HHIP: variants seen among roughly 807,000 people sequenced by gnomAD.
HHIP encodes hedgehog-interacting protein.
HHIP carries 12 observed loss-of-function variants against 74.0 expected under a neutral mutation model. The observed-to-expected ratio is 0.16, with a 90% CI of 0.10 to 0.26. The LOEUF is 0.26. Ranked by LOEUF, HHIP falls within the 10% of genes least tolerant of loss-of-function variation. HHIP has a pLI of 1.00. For synonymous variants in HHIP, 309 were observed against 311.6 expected, an observed-to-expected ratio of 0.99 and a Z score of 0.09; for missense variants, 788 against 845.0, an observed-to-expected ratio of 0.93 and a Z score of 0.84.
chr4:144,659,581 A>G, intron 3 of HHIP, 56 bp from the exon 4 acceptor site: 1 of 1,171,122 alleles, frequency 8.5e-7, no homozygotes, highest in Non-Finnish European at 1.2e-6. Flanking sequence ...TGCCAAGTGC[A>G]TCCCTTATCT....
intron 6 of HHIP, 81 bp from the exon 7 acceptor site, chr4:144,708,087 T>G: frequency 6.9e-7 from 1 of 1,439,630 alleles, no homozygotes; most frequent in Non-Finnish European, 9.7e-7. Flanking sequence ...TTTTCATCAA[T>G]AGAGCAACCT....
chr4:144,651,923 A>C (rs1436299492), intron 1 of HHIP, among the ~76,000 whole-genome samples: 2 of 152,068 alleles, frequency 1.3e-5, no homozygotes, highest in Non-Finnish European at 1.5e-5. Context: ...GTGTTTATTC[A>C]TGCATATAAC....
intron 4 of HHIP, among the ~76,000 whole-genome samples, chr4:144,703,565 G>T (rs1166818664): frequency 6.6e-6 from 1 of 152,198 alleles, no homozygotes; most frequent in Non-Finnish European, 1.5e-5. Context: ...CTAAAGCTGG[G>T]TTATCGGATT....
In HHIP at chr4:144,738,880, C is replaced by T. The variant is rs939717109; in HGVS notation, c.*923C>T. 5 of 167,310 alleles carry T rather than the reference C, an allele frequency of 3.0e-5. No homozygotes were observed. Among genetic ancestry groups the T allele is most frequent in the African/African-American group, 9.6e-5 (4 of 41,716 alleles). 10.4% of individuals were successfully genotyped at this position (167,310 alleles called of 1,614,324 possible). ...CCTTGTGCCAACATGTAATCATTAA[C>T]GACGGATGAAAAAGCAAGAAAACAG... On this transcript the variant is annotated 3_prime_UTR_variant, in exon 13 of 13. Transcript: ENST00000296575.
At position 144,741,678 on chromosome 4, in the gene HHIP, A is replaced by G. The variant is rs2639579; in HGVS notation, c.*3721A>G. The G allele has an allele frequency of 0.97, 146,849 of 152,144 alleles. 71,084 individuals carry two copies. The highest frequency in any genetic ancestry group is 1 in the East Asian group (5,178 of 5,178). 9.4% of individuals were successfully genotyped at this position (152,144 alleles called of 1,614,324 possible). ...ATTACAGGCGTGAGCCACCATGCCC[A>G]GCTTCCATTTGCTTTTGATATTGTT... is the stretch of plus-strand genomic sequence containing the variant. On this transcript the variant is annotated 3_prime_UTR_variant, in exon 13 of 13. Coordinates refer to ENST00000296575, the MANE Select transcript of HHIP (RefSeq NM_022475.3).
intron 4 of HHIP, among the ~76,000 whole-genome samples, chr4:144,671,530 G>T (rs552806185): frequency 2.0e-5 from 3 of 152,180 alleles, no homozygotes; most frequent in South Asian, 4.2e-4. Context: ...ATCTCTAATG[G>T]GTCGCATTCC....
chr4:144,658,825 T>C lies in HHIP; in HGVS notation c.508T>C (p.Tyr170His), dbSNP rs1221846565. The C allele has an allele frequency of 6.2e-7, 1 of 1,613,738 alleles. No homozygotes were observed. Among genetic ancestry groups the C allele is most frequent in the Non-Finnish European group, 8.5e-7 (1 of 1,179,768 alleles). ...AACAACTGCGGATGAGTTTTGCTTT[T>C]ACTATGCAAGAAAAGATGGTGGGTT... is the stretch of plus-strand genomic sequence containing the variant. The part of the protein sequence containing the change: ...LQTTADEFCF[Y>H]YARKDGGLCF... Residue 170 changes from tyrosine to histidine, a missense_variant, in exon 3 of 13, where the codon TAC (tyrosine) becomes CAC (histidine). By Grantham distance (83) the Tyr-to-His change is moderately conservative. Transcript: ENST00000296575.
intron 1 of HHIP, among the ~76,000 whole-genome samples, chr4:144,649,201 T>G (rs1038199716): frequency 6.6e-6 from 1 of 151,868 alleles, no homozygotes; most frequent in Non-Finnish European, 1.5e-5. Flanking sequence ...GAGAGATGAT[T>G]GCTATTTGAA....
intron 2 of HHIP, among the ~76,000 whole-genome samples, chr4:144,657,332 G>A (rs980938059): frequency 2.0e-5 from 3 of 152,060 alleles, no homozygotes; most frequent in African/African-American, 4.8e-5. Context: ...AGAAATCCTT[G>A]CTAAATCTGA....
intron 4 of HHIP, among the ~76,000 whole-genome samples, chr4:144,671,366 A>T (rs1158163483): frequency 6.6e-6 from 1 of 150,808 alleles, no homozygotes; most frequent in African/African-American, 2.4e-5. Context: ...ATGTTAATAC[A>T]TATAAGACTT....
At chr4:144,727,342 C>T (rs909232006) in intron 11 of HHIP, among the ~76,000 whole-genome samples, 1 of 152,176 alleles carries the variant, frequency 6.6e-6, no homozygotes, top group Non-Finnish European at 1.5e-5. Context: ...CACTTCTTCC[C>T]AAAGACCCTG....
rs1048046188 is a variant in HHIP at position 144,725,657 on chromosome 4, CGCGT to C, written c.1760+6707_1760+6710del. On this transcript the variant is annotated intron_variant, in intron 11 of 12. Transcript: ENST00000296575. Reference sequence around the variant, plus strand: ...TATTTATTTATTCTGTGGGTGTGTGCGCGTGCGTGTGTGTGTGTGTGTGTGTTTG... The same window carrying C: ...TATTTATTTATTCTGTGGGTGTGTGCGCGTGTGTGTGTGTGTGTGTGTTTG... 1.1e-4 allele frequency among the ~76,000 whole-genome samples: 15 copies of C among 142,836 alleles called. 1 individual carries two copies. The highest frequency in any genetic ancestry group is 2.3e-4 in the South Asian group (1 of 4,408). The allele number at this position is 142,836 out of a possible 152,430, so 93.7% of individuals were successfully genotyped here.
intron 3 of HHIP, 55 bp downstream of exon 3, chr4:144,659,001 T>C: frequency 6.8e-7 from 1 of 1,461,440 alleles, no homozygotes; most frequent in South Asian, 1.3e-5. Context: ...CTGACAAATC[T>C]TGTGGTTTTG....
Position 144,656,615 on chromosome 4 carries a change from C to T in HHIP, c.473-2175C>T, listed in dbSNP as rs566387330. On this transcript the variant is annotated intron_variant, in intron 2 of 12. Coordinates refer to ENST00000296575, the MANE Select transcript of HHIP (RefSeq NM_022475.3). ...TTGCATTTTGAAATTTTTCTGTAAC[C>T]CTTCTGGCAAACATCACCTTAAAAC... Among the ~76,000 whole-genome samples, 4 of 152,084 alleles carry T rather than the reference C, an allele frequency of 2.6e-5. No individual in the cohort carries two copies. In the South Asian group the frequency reaches 8.3e-4, roughly 32 times the overall value.
chr4:144,707,184 C>G lies in HHIP; in HGVS notation c.1081C>G (p.Pro361Ala). The G allele has an allele frequency of 2.5e-6, 4 of 1,613,832 alleles. No individual in the cohort carries two copies. Among genetic ancestry groups the G allele is most frequent in the Non-Finnish European group, 3.4e-6 (4 of 1,179,900 alleles). ...KHLGGQLLFGPDGFLYIILGD... is the reference protein window; with the variant it reads ...KHLGGQLLFGADGFLYIILGD... Reference sequence around the variant, plus strand: ...TCTGGGAGGACAACTGCTCTTTGGCCCTGACGGCTTTTTGTACATCATTCT... The same window carrying G: ...TCTGGGAGGACAACTGCTCTTTGGCGCTGACGGCTTTTTGTACATCATTCT... The change falls in exon 6 of 13, where the codon CCT becomes GCT. Residue 361 changes from proline to alanine, a missense_variant. This residue lies in a region of HHIP where 72 missense variants were observed against 130.6 expected (regional missense o/e 0.55). Transcript: ENST00000296575.
rs1729095737 is a variant in HHIP at position 144,673,446 on chromosome 4, T to TAAA, written c.831+13609_831+13610insAAA. On this transcript the variant is annotated intron_variant, in intron 4 of 12. Transcript: ENST00000296575. ...GTAATGTAATGAAGAGGGCTCACTC[T>TAAA]ACGCCAGTTGTAATTGCTAATTCAT... is the stretch of plus-strand genomic sequence containing the variant. Among the ~76,000 whole-genome samples, 4 of 152,244 alleles carry TAAA rather than the reference T, an allele frequency of 2.6e-5. No individual in the cohort carries two copies. The South Asian group carries it at 8.3e-4, about 31-fold the overall frequency.
chr4:144,734,767 C>A lies in HHIP; in HGVS notation c.1787C>A (p.Ala596Asp). 2 of 1,597,456 alleles carry A rather than the reference C, an allele frequency of 1.3e-6. No individual in the cohort carries two copies. Among genetic ancestry groups the A allele is most frequent in the Non-Finnish European group, 1.7e-6 (2 of 1,167,250 alleles). ...KRPLMPEECR[A>D]TVQPAQTLTS... ...CCTTTAATGCCTGAGGAATGCAGAG[C>A]CACGGTACAACCTGCACAGACACTG... Residue 596 changes from alanine to aspartate, a missense_variant, in exon 12 of 13, where the codon GCC becomes GAC. This residue lies in a region of HHIP where 343 missense variants were observed against 347.9 expected (regional missense o/e 0.99). Transcript: ENST00000296575.
rs112492251 is a variant in HHIP at position 144,726,019 on chromosome 4, T to C, written c.1760+7063T>C. Among the ~76,000 whole-genome samples the C allele has an allele frequency of 2.0e-3, 307 of 152,214 alleles. 2 individuals are homozygous for C. Among genetic ancestry groups the C allele is most frequent in the African/African-American group, 6.9e-3 (285 of 41,544 alleles). On this transcript the variant is annotated intron_variant, in intron 11 of 12. Coordinates refer to ENST00000296575, the MANE Select transcript of HHIP (RefSeq NM_022475.3). ...AGTTGTCATTCCCCTGGGCTATTTT[T>C]ATCACAATAAAAATAGATAAAATCA...
chr4:144,667,219 A>G (rs1361123539), intron 4 of HHIP, among the ~76,000 whole-genome samples: 3 of 152,070 alleles, frequency 2.0e-5, no homozygotes, highest in African/African-American at 7.2e-5. Flanking sequence ...GTGTGATGGC[A>G]TGCACCTATA....
Sources: gnomAD v4.1 joint callset for allele counts (sites outside exome capture counted in the v4.1 genomes callset) on GRCh38, gnomAD v4.1.1 for gene constraint, gnomAD v4.1.1 regional missense constraint, MANE v1.5 for transcripts, NCBI Gene and HGNC (gene_info 2026-07-23, HGNC 2026-07-21) for gene names.